The following ARB2A variants were observed in gnomAD, a reference collection of about 807,000 sequenced individuals.
ARB2A encodes the protein ARB2 cotranscriptional regulator A, also known as cotranscriptional regulator ARB2A.
At chr5:93,883,906 CACACAT>C in the ARB2A span, among the ~76,000 whole-genome samples, 107 of 139,094 alleles carry the variant, frequency 7.7e-4, 1 homozygote, top group Middle Eastern at 3.5e-3. Context: ...AACACACATA[CACACAT>C]ACACATACAC....
chr5:93,783,818 AG>A, the ARB2A span, among the ~76,000 whole-genome samples: 1 of 152,196 alleles, frequency 6.6e-6, no homozygotes, highest in Non-Finnish European at 1.5e-5. Flanking sequence ...ACCAGCCCTT[AG>A]GAAGTGTGAA....
At chr5:93,654,552 T>A in the ARB2A span, among the ~76,000 whole-genome samples, 3 of 152,334 alleles carry the variant, frequency 2.0e-5, no homozygotes, top group Middle Eastern at 0.01. Flanking sequence ...ATATTTTTAA[T>A]GATATTCCCC....
the ARB2A span, among the ~76,000 whole-genome samples, chr5:93,641,181 C>T: frequency 2.0e-5 from 3 of 147,780 alleles, no homozygotes; most frequent in Non-Finnish European, 4.5e-5. Context: ...GCCTGGGTGA[C>T]AGAGGGAGAT....
At chr5:93,728,790 T>G in the ARB2A span, among the ~76,000 whole-genome samples, 6 of 152,192 alleles carry the variant, frequency 3.9e-5, no homozygotes, top group South Asian at 4.1e-4. Flanking sequence ...GGAAGAATTA[T>G]TTTTTGTCTT....
chr5:93,972,164 T>G, the ARB2A span, among the ~76,000 whole-genome samples: 6 of 151,664 alleles, frequency 4.0e-5, no homozygotes, highest in Non-Finnish European at 8.8e-5. Context: ...TGGGGGAGGG[T>G]GCTTTTCATG....
the ARB2A span, among the ~76,000 whole-genome samples, chr5:93,860,011 T>C: frequency 3.3e-5 from 5 of 152,222 alleles, no homozygotes; most frequent in African/African-American, 7.2e-5. Flanking sequence ...TAGAATCTTA[T>C]AGGCCAGGCG....
At chr5:93,628,036 C>T in the ARB2A span, among the ~76,000 whole-genome samples, 1 of 147,376 alleles carries the variant, frequency 6.8e-6, no homozygotes, top group Non-Finnish European at 1.5e-5. Flanking sequence ...AGTGCAGGCA[C>T]AGTAGATGTA....
the ARB2A span, among the ~76,000 whole-genome samples, chr5:93,673,506 G>A: frequency 2.2e-4 from 34 of 152,198 alleles, no homozygotes; most frequent in South Asian, 2.9e-3. Context: ...CTTCTTCAGA[G>A]AAAAGAACAA....
chr5:93,620,130 T>G, the ARB2A span: 1 of 152,314 alleles, frequency 6.6e-6, no homozygotes, highest in South Asian at 2.1e-4. Context: ...GTACACATTA[T>G]GTGTTTAAAA....
the ARB2A span, among the ~76,000 whole-genome samples, chr5:94,083,561 C>G: frequency 6.6e-6 from 1 of 152,012 alleles, no homozygotes; most frequent in Non-Finnish European, 1.5e-5. Flanking sequence ...ACAAAAATAA[C>G]CACTTACAAC....
the ARB2A span, among the ~76,000 whole-genome samples, chr5:93,697,040 TG>T: frequency 8.2e-6 from 1 of 121,666 alleles, no homozygotes; most frequent in South Asian, 2.6e-4. Context: ...CCAGCCTGGG[TG>T]ACAAAGCGAG....
At chr5:93,744,391 C>T in the ARB2A span, among the ~76,000 whole-genome samples, 327 of 135,218 alleles carry the variant, frequency 2.4e-3, no homozygotes, top group African/African-American at 9.0e-3. Flanking sequence ...GCCGAGATCG[C>T]GCCACTGCAC....
At chr5:93,911,435 TAAC>T in the ARB2A span, among the ~76,000 whole-genome samples, 2 of 151,776 alleles carry the variant, frequency 1.3e-5, no homozygotes, top group Middle Eastern at 3.4e-3. Flanking sequence ...GAAAGAAACT[TAAC>T]AACTAGAAAA....
At chr5:93,912,003 G>C in the ARB2A span, among the ~76,000 whole-genome samples, 2 of 151,626 alleles carry the variant, frequency 1.3e-5, no homozygotes, top group Non-Finnish European at 2.9e-5. Context: ...CACTTCAGCT[G>C]TTATACTCAA....
At chr5:93,913,658 G>A in the ARB2A span, among the ~76,000 whole-genome samples, 37 of 152,078 alleles carry the variant, frequency 2.4e-4, no homozygotes, top group Non-Finnish European at 4.9e-4. Flanking sequence ...AGCAGACTAA[G>A]ATGGCATAAT....
the ARB2A span, among the ~76,000 whole-genome samples, chr5:93,922,639 A>AAAGG: frequency 1.4e-5 from 1 of 69,524 alleles, no homozygotes; most frequent in Non-Finnish European, 2.5e-5. Context: ...GAAAAGAAAG[A>AAAGG]AAGGGAGGGA....
chr5:93,640,788 G>C, the ARB2A span, among the ~76,000 whole-genome samples: 1 of 151,866 alleles, frequency 6.6e-6, no homozygotes, highest in Admixed American at 6.6e-5. Flanking sequence ...TTACAGTCTT[G>C]GGGTTTGAGA....
chr5:93,926,352 C>T, the ARB2A span, among the ~76,000 whole-genome samples: 1 of 151,944 alleles, frequency 6.6e-6, no homozygotes, highest in Non-Finnish European at 1.5e-5. Flanking sequence ...AGGCTGGTCT[C>T]GAACTCCTGA....
the ARB2A span, among the ~76,000 whole-genome samples, chr5:93,908,770 T>C: frequency 6.6e-6 from 1 of 150,958 alleles, no homozygotes; most frequent in Non-Finnish European, 1.5e-5. Flanking sequence ...GTAAAGAGAT[T>C]ATTAAAACAA....
Sources: gnomAD v4.1 joint callset for allele counts (sites outside exome capture counted in the v4.1 genomes callset) on GRCh38, gnomAD v4.1.1 for gene constraint, MANE v1.5 for transcripts, NCBI Gene and HGNC (gene_info 2026-07-23, HGNC 2026-07-21) for gene names.